Variants in FILIP1L observed in about 807,000 individuals in gnomAD.
The protein encoded by FILIP1L is filamin A-interacting protein 1-like.
FILIP1L carries 55 observed loss-of-function variants against 96.6 expected under a neutral mutation model. The observed-to-expected ratio is 0.57, with a 90% CI of 0.46 to 0.71. FILIP1L has a LOEUF of 0.71. FILIP1L is among the 30% of genes least tolerant of loss of function. The pLI is 0.00. For missense variants in FILIP1L, 1,304 were observed against 1,321.2 expected (o/e 0.99, Z 0.20); for synonymous variants, 467 against 473.9 (o/e 0.99, Z 0.19).
chr3:100,020,161 A>G (rs2064782107), intron 1 of FILIP1L, among the ~76,000 whole-genome samples: 1 of 152,264 alleles, frequency 6.6e-6, no homozygotes, highest in Admixed American at 6.5e-5. Flanking sequence ...TCATTTCCCC[A>G]TGTAACCTTT....
chr3:100,014,891 C>T (rs200228364), intron 1 of FILIP1L, among the ~76,000 whole-genome samples: 5,995 of 25,252 alleles, frequency 0.24, 1 homozygote, highest in Middle Eastern at 0.25. Context: ...TTTTTTCTTT[C>T]TTTCTTTTTT....
At chr3:100,083,737 CTTTG>C (rs760641222) in intron 1 of FILIP1L, among the ~76,000 whole-genome samples, 11 of 152,114 alleles carry the variant, frequency 7.2e-5, no homozygotes, top group Admixed American at 1.3e-4. Flanking sequence ...ATCACCATTT[CTTTG>C]TTTGTTTGTT....
intron 1 of FILIP1L, among the ~76,000 whole-genome samples, chr3:100,078,820 G>A (rs889857315): frequency 1.3e-5 from 2 of 152,156 alleles, no homozygotes; most frequent in Non-Finnish European, 2.9e-5. Flanking sequence ...GAACCTGGGA[G>A]GTGGAGGCTG....
intron 1 of FILIP1L, among the ~76,000 whole-genome samples, chr3:100,106,843 C>T (rs2066404005): frequency 6.6e-6 from 1 of 152,028 alleles, no homozygotes; most frequent in Non-Finnish European, 1.5e-5. Context: ...ATTTAAGATG[C>T]CAGAGGTTAT....
chr3:99,986,979 A>G (rs929103025), intron 1 of FILIP1L, among the ~76,000 whole-genome samples: 2 of 152,108 alleles, frequency 1.3e-5, no homozygotes, highest in African/African-American at 4.8e-5. Context: ...CTATAATCCT[A>G]GCCCTTTGGG....
intron 5 of FILIP1L, among the ~76,000 whole-genome samples, chr3:99,841,952 AT>A (rs1185043757): frequency 6.6e-6 from 1 of 152,228 alleles, no homozygotes; most frequent in Non-Finnish European, 1.5e-5. Flanking sequence ...AAGTAGATCT[AT>A]CATTTGATCC....
chr3:100,073,469 G>T (rs906632812), intron 1 of FILIP1L, among the ~76,000 whole-genome samples: 5 of 152,118 alleles, frequency 3.3e-5, no homozygotes, highest in African/African-American at 1.2e-4. Flanking sequence ...AAAAGACTGG[G>T]GTAGAGGAGA....
chr3:99,932,275 T>C (rs1036802232), intron 1 of FILIP1L, among the ~76,000 whole-genome samples: 1 of 152,208 alleles, frequency 6.6e-6, no homozygotes, highest in African/African-American at 2.4e-5. Flanking sequence ...TGTACATATA[T>C]ATTGCTGAAC....
At chr3:100,006,079 C>T (rs575025740) in intron 1 of FILIP1L, among the ~76,000 whole-genome samples, 1 of 152,264 alleles carries the variant, frequency 6.6e-6, no homozygotes, top group South Asian at 2.1e-4. Flanking sequence ...AAGCATTAGA[C>T]CAGAAAGCCC....
chr3:99,928,025 G>GA (rs1255063413), intron 3 of FILIP1L, among the ~76,000 whole-genome samples: 1 of 152,198 alleles, frequency 6.6e-6, no homozygotes, highest in Non-Finnish European at 1.5e-5. Flanking sequence ...TTTTCAAAAA[G>GA]AACATTATGA....
chr3:99,877,682 T>C (rs1705581567), intron 4 of FILIP1L, among the ~76,000 whole-genome samples: 1 of 152,230 alleles, frequency 6.6e-6, no homozygotes, highest in African/African-American at 2.4e-5. Flanking sequence ...TGCCCTATAC[T>C]TGTGAATTGC....
At chr3:100,068,323 A>G (rs2107364367) in intron 1 of FILIP1L, among the ~76,000 whole-genome samples, 1 of 151,398 alleles carries the variant, frequency 6.6e-6, no homozygotes, top group Admixed American at 6.6e-5. Context: ...ATGCATAGTG[A>G]GACAAACATG....
At chr3:100,012,279 A>G (rs1351970017) in intron 1 of FILIP1L, among the ~76,000 whole-genome samples, 2 of 152,202 alleles carry the variant, frequency 1.3e-5, no homozygotes, top group Non-Finnish European at 1.5e-5. Context: ...TTGTCAACCA[A>G]TTAGAAGGCC....
intron 4 of FILIP1L, among the ~76,000 whole-genome samples, chr3:99,871,790 C>T (rs1444406376): frequency 2.0e-5 from 3 of 152,158 alleles, no homozygotes; most frequent in Admixed American, 6.5e-5. Context: ...CTTTCCAGGG[C>T]ACCTCTCACC....
intron 1 of FILIP1L, among the ~76,000 whole-genome samples, chr3:100,077,655 G>A (rs1439851047): frequency 6.6e-6 from 1 of 152,112 alleles, no homozygotes; most frequent in Non-Finnish European, 1.5e-5. Flanking sequence ...TTGCCCAGTG[G>A]CTCACACCTA....
At chr3:99,833,319 T>C (rs967241196) in intron 5 of FILIP1L, 2 of 1,451,680 alleles carry the variant, frequency 1.4e-6, no homozygotes, top group Admixed American at 1.8e-5. Flanking sequence ...ATTCTAAAAG[T>C]GTTGGTTTGT....
chr3:99,870,485 G>T (rs1343353409), intron 4 of FILIP1L, among the ~76,000 whole-genome samples: 1 of 152,188 alleles, frequency 6.6e-6, no homozygotes, highest in Non-Finnish European at 1.5e-5. Flanking sequence ...GCAGGGATGG[G>T]ACCATAATTG....
intron 4 of FILIP1L, among the ~76,000 whole-genome samples, chr3:99,905,689 CA>C (rs144694106): frequency 2.4e-4 from 37 of 152,334 alleles, no homozygotes; most frequent in Non-Finnish European, 4.0e-4. Context: ...CTTTGTGGCA[CA>C]TTCCAGTTGA....
chr3:99,952,299 C>T (rs765420555), intron 1 of FILIP1L, among the ~76,000 whole-genome samples: 10 of 152,124 alleles, frequency 6.6e-5, no homozygotes, highest in Non-Finnish European at 1.3e-4. Context: ...TTGGCTTAAG[C>T]TAGACATCTA....
Sources: gnomAD v4.1 joint callset for allele counts (sites outside exome capture counted in the v4.1 genomes callset) on GRCh38, gnomAD v4.1.1 for gene constraint, MANE v1.5 for transcripts, NCBI Gene and HGNC (gene_info 2026-07-23, HGNC 2026-07-21) for gene names.